The following GBX2 variants were observed in gnomAD, a reference collection of about 807,000 sequenced individuals.
GBX2 encodes gastrulation brain homeobox 2, also known as homeobox protein GBX-2.
Under a neutral mutation model 22.4 loss-of-function variants are expected in GBX2, and 5 were observed. The observed-to-expected ratio is 0.22, with a 90% CI of 0.12 to 0.47. GBX2 has a LOEUF of 0.47. GBX2 is among the 20% of genes least tolerant of loss of function. GBX2 has a pLI of 0.99. For synonymous variants in GBX2, 220 were observed against 230.5 expected (o/e 0.95, Z 0.41); for missense variants, 470 against 495.4 (o/e 0.95, Z 0.49).
chr2:236,163,349 C>T (rs2060221568), downstream of GBX2, among the ~76,000 whole-genome samples: 1 of 152,110 alleles, frequency 6.6e-6, no homozygotes, highest in Admixed American at 6.5e-5. Flanking sequence ...CTCTCCTCCT[C>T]GTGCCTCCAT....
chr2:236,166,886 G>A lies in GBX2; in HGVS notation c.524-449C>T, dbSNP rs1194178785. On this transcript the variant is annotated intron_variant, in intron 1 of 1. Coordinates refer to ENST00000306318, the MANE Select transcript of GBX2 (RefSeq NM_001485.4). This position sits in a 1 kb window ranked among gnomAD's most constrained non-coding sequence, Gnocchi z 6.6. ...TCAATTGCTTCCTAACCGGAGTGGA[G>A]GCGTAGGGACGTGCAGATCCCAGAC... Among the ~76,000 whole-genome samples the A allele has an allele frequency of 2.0e-5, 3 of 152,194 alleles. No homozygotes were observed.
Position 236,167,538 on chromosome 2 carries a change from T to G in GBX2, c.434A>C (p.Gln145Pro). Residue 145 changes from glutamine (Q) to proline (P), a missense_variant, in exon 1 of 2, where the codon CAG becomes CCG. Transcript: ENST00000306318. ...GCCTTTGCCGTCCTCCGCGTCAGCC[T>G]GCAGCGCCTCCGCCTTGTCGAAGTT... The part of the protein sequence containing the change: ...GGNFDKAEAL[Q>P]ADAEDGKGFL... The G allele has an allele frequency of 6.3e-7, 1 of 1,599,488 alleles. No homozygotes were observed. Among genetic ancestry groups the G allele is most frequent in the Non-Finnish European group, 8.5e-7 (1 of 1,175,776 alleles).
At chr2:236,163,361 G>A (rs559525361), downstream of GBX2, among the ~76,000 whole-genome samples, 131 of 152,286 alleles carry the variant, frequency 8.6e-4, no homozygotes, top group African/African-American at 2.8e-3. Flanking sequence ...TGCCTCCATA[G>A]GGCGAGGACC....
Position 236,168,343 on chromosome 2 carries a change from C to A in GBX2, c.-372G>T, listed in dbSNP as rs1048723681. ...CTCCCGCGGGCCGCTGGGGAGCGCG[C>A]GAAGCCGGCGTACTTATCTCCGGCG... On this transcript the variant is annotated 5_prime_UTR_variant, in exon 1 of 2. Coordinates refer to ENST00000306318, the MANE Select transcript of GBX2 (RefSeq NM_001485.4). The A allele has an allele frequency of 3.7e-5, 6 of 162,750 alleles. No homozygotes were observed. The highest frequency in any genetic ancestry group is 1.4e-4 in the African/African-American group (6 of 41,916). The allele number at this position is 162,750 out of a possible 1,614,324, so 10.1% of individuals were successfully genotyped here.
At chr2:236,167,375 C>G in intron 1 of GBX2, 74 bp downstream of exon 1, 5 of 1,407,542 alleles carry the variant, frequency 3.6e-6, no homozygotes, top group East Asian at 2.8e-5. Context: ...CTTGGTCTCC[C>G]GCGGGAACCC....
downstream of GBX2, among the ~76,000 whole-genome samples, chr2:236,163,158 G>A (rs1195059627): frequency 6.6e-6 from 1 of 152,206 alleles, no homozygotes; most frequent in Non-Finnish European, 1.5e-5. Flanking sequence ...TGACGGCCAT[G>A]ATGACAGCGG....
chr2:236,164,170 T>G (rs904552707), downstream of GBX2, among the ~76,000 whole-genome samples: 3 of 151,692 alleles, frequency 2.0e-5, no homozygotes, highest in East Asian at 2.0e-4. Flanking sequence ...AAAAATTAAG[T>G]CAATATTAGT....
In GBX2 at chr2:236,166,519, C is replaced by G. The variant is rs1328349694; in HGVS notation, c.524-82G>C. On this transcript the variant is annotated intron_variant, in intron 1 of 1. Transcript: ENST00000306318. This position sits in a 1 kb window ranked among gnomAD's most constrained non-coding sequence, Gnocchi z 6.6. ...CCTTCCCACCGTCATTTGGACATTC[C>G]GCGCCCCCCGCCCCCCACCCTTTAG... The G allele has an allele frequency of 1.6e-6, 2 of 1,225,868 alleles. No homozygotes were observed. Among genetic ancestry groups the G allele is most frequent in the Admixed American group, 3.8e-5 (2 of 53,012 alleles). 75.9% of individuals were successfully genotyped at this position (1,225,868 alleles called of 1,614,324 possible). A position where few individuals can be genotyped will look rare whatever the true frequency, so the allele number is the denominator to read the frequency against.
downstream of GBX2, among the ~76,000 whole-genome samples, chr2:236,164,110 C>A (rs1457374913): frequency 2.0e-5 from 3 of 152,218 alleles, no homozygotes; most frequent in Non-Finnish European, 4.4e-5. Flanking sequence ...GGGTGGAGGT[C>A]TTGGTCCCCA....
In GBX2 at chr2:236,166,184, C is replaced by T. The variant is rs7588069; in HGVS notation, c.777G>A (p.Leu259=). 6,649 of 1,613,972 alleles carry T rather than the reference C, an allele frequency of 4.1e-3. 270 individuals carry two copies. In the African/African-American group the frequency reaches 0.079, roughly 19 times the overall value. ...RRRTAFTSEQ[L]LELEKEFHCK... is the part of the protein sequence containing the mutation. ...AGTGGAACTCCTTCTCTAGCTCCAG[C>T]AGCTGCTCGCTGGTGAAGGCAGTCC... The change falls in exon 2 of 2, where the codon CTG becomes CTA. Residue 259 remains leucine, a synonymous_variant. Transcript: ENST00000306318. The surrounding 1 kb of genome is among the most constrained non-coding windows in gnomAD (Gnocchi z 6.6).
rs531170932 is a variant in GBX2, at chr2:236,165,857, T to C, written c.*57A>G. ...AAACACAGTGGAGTCCACCATGGGTTCCCTCGGGTGCGGGGGCTTCTCCAG... is the reference window on the plus strand; with the variant it reads ...AAACACAGTGGAGTCCACCATGGGTCCCCTCGGGTGCGGGGGCTTCTCCAG... On this transcript the variant is annotated 3_prime_UTR_variant, in exon 2 of 2. Transcript: ENST00000306318. 6 of 1,390,742 alleles carry C rather than the reference T, an allele frequency of 4.3e-6. No individual in the cohort carries two copies. The Admixed American group carries it at 6.6e-5, about 15-fold the overall frequency. 86.2% of individuals were successfully genotyped at this position (1,390,742 alleles called of 1,614,324 possible).
In GBX2 at chr2:236,166,478, A is replaced by T; in HGVS notation, c.524-41T>A. On this transcript the variant is annotated intron_variant, in intron 1 of 1. Transcript: ENST00000306318. This position sits in a 1 kb window ranked among gnomAD's most constrained non-coding sequence, Gnocchi z 6.6. The stretch of plus-strand genomic sequence containing the variant: ...AACGGCATTTTATTACATTTCGCAC[A>T]CTGGCCTTCCTTTCTCCTTCCCACC... 8.9e-6 allele frequency: 14 copies of T among 1,566,736 alleles called. No homozygotes were observed. Among genetic ancestry groups the T allele is most frequent in the Admixed American group, 1.7e-5 (1 of 58,064 alleles).
At chr2:236,162,703 G>A (rs1414635801), downstream of GBX2, among the ~76,000 whole-genome samples, 8 of 152,202 alleles carry the variant, frequency 5.3e-5, no homozygotes, top group East Asian at 3.9e-4. Context: ...CCCAGTGCAC[G>A]GCTGGGGGGC....
At chr2:236,167,387 G>A in intron 1 of GBX2, 62 bp downstream of exon 1, 1 of 1,412,308 alleles carries the variant, frequency 7.1e-7, no homozygotes, top group Non-Finnish European at 9.2e-7. Context: ...CGGGAACCCG[G>A]CGCTGGCCCG....
At chr2:236,164,186 C>A (rs531279096), downstream of GBX2, among the ~76,000 whole-genome samples, 9 of 152,268 alleles carry the variant, frequency 5.9e-5, no homozygotes, top group Non-Finnish European at 1.2e-4. Context: ...TTAGTACTAA[C>A]CCATGGCGGG....
rs1328349694 is a variant in GBX2, at chr2:236,166,519, C to T, written c.524-82G>A. 1.6e-6 allele frequency: 2 copies of T among 1,225,868 alleles called. No homozygotes were observed. Among genetic ancestry groups the T allele is most frequent in the South Asian group, 2.7e-5 (2 of 73,350 alleles). The allele number at this position is 1,225,868 out of a possible 1,614,324, so 75.9% of individuals were successfully genotyped here. A position where few individuals can be genotyped will look rare whatever the true frequency, so the allele number is the denominator to read the frequency against. Reference sequence around the variant, plus strand: ...CCTTCCCACCGTCATTTGGACATTCCGCGCCCCCCGCCCCCCACCCTTTAG... The same window carrying T: ...CCTTCCCACCGTCATTTGGACATTCTGCGCCCCCCGCCCCCCACCCTTTAG... On this transcript the variant is annotated intron_variant, in intron 1 of 1. Coordinates refer to ENST00000306318, the MANE Select transcript of GBX2 (RefSeq NM_001485.4). The surrounding 1 kb of genome is among the most constrained non-coding windows in gnomAD (Gnocchi z 6.6).
chr2:236,167,887 C>G lies in GBX2; in HGVS notation c.85G>C (p.Gly29Arg), dbSNP rs1217562638. 4.5e-6 allele frequency: 7 copies of G among 1,554,108 alleles called. No individual in the cohort carries two copies. Among genetic ancestry groups the G allele is most frequent in the Non-Finnish European group, 5.2e-6 (6 of 1,153,538 alleles). ...STAFSIDSLIGSPPQPSPGHF... is the reference protein window; with the variant it reads ...STAFSIDSLIRSPPQPSPGHF... ...CCGGGGCTGGGCTGCGGCGGGCTGCCGATCAGCGAGTCTATGCTGAAGGCG... is the reference window on the plus strand; with the variant it reads ...CCGGGGCTGGGCTGCGGCGGGCTGCGGATCAGCGAGTCTATGCTGAAGGCG... The change falls in exon 1 of 2, where the codon GGC (glycine) becomes CGC (arginine). Residue 29 changes from glycine to arginine, a missense_variant. Gly to Arg is a moderately radical substitution (Grantham distance 125, BLOSUM62 -2). Around this residue, in one of 4 missense-constraint regions of GBX2, gnomAD observed 377 missense variants for 358.6 expected, o/e 1.05. Transcript: ENST00000306318.
downstream of GBX2, among the ~76,000 whole-genome samples, chr2:236,163,159 A>G (rs1559316797): frequency 6.6e-6 from 1 of 152,076 alleles, no homozygotes; most frequent in Non-Finnish European, 1.5e-5. Flanking sequence ...GACGGCCATG[A>G]TGACAGCGGC....
Position 236,166,237 on chromosome 2 carries a change from T to C in GBX2, c.724A>G (p.Thr242Ala). 6.2e-7 allele frequency: 1 copy of C among 1,613,654 alleles called. No individual in the cohort carries two copies. Among genetic ancestry groups the C allele is most frequent in the Non-Finnish European group, 8.5e-7 (1 of 1,179,966 alleles). ...CGCCGCCGGTTCTTGCCCGTAGACG[T>C]GGTGCTGCCCGCGGCGCCGCTGCTC... ...PPSSGAAGSTTSTGKNRRRRT... is the reference protein window; with the variant it reads ...PPSSGAAGSTASTGKNRRRRT... The change falls in exon 2 of 2, where the codon ACG becomes GCG. Residue 242 changes from threonine (T) to alanine (A), a missense_variant. Transcript: ENST00000306318. The surrounding 1 kb of genome is among the most constrained non-coding windows in gnomAD (Gnocchi z 6.6).
Sources: gnomAD v4.1 joint callset for allele counts (sites outside exome capture counted in the v4.1 genomes callset) on GRCh38, gnomAD v4.1.1 for gene constraint, gnomAD v4.1.1 regional missense constraint, Gnocchi (gnomAD v3.1) non-coding constraint, MANE v1.5 for transcripts, NCBI Gene and HGNC (gene_info 2026-07-23, HGNC 2026-07-21) for gene names.